EXOSC10: variants seen among roughly 807,000 people sequenced by gnomAD.
EXOSC10 encodes the protein exosome complex component 10.
Under a neutral mutation model 126.6 loss-of-function variants are expected in EXOSC10, and 94 were observed. The observed-to-expected ratio is 0.74, with a 90% confidence interval of 0.63 to 0.88. The LOEUF (loss-of-function observed/expected upper bound fraction) is 0.88, where lower values mean the gene tolerates loss of function less well. Among genes scored for constraint, EXOSC10 ranks in the 40% least tolerant of loss-of-function variants. EXOSC10 has a pLI of 0.00. For synonymous variants in EXOSC10, 395 were observed against 400.8 expected (o/e 0.99, Z 0.17); for missense variants, 1,041 against 1,100.5 (o/e 0.95, Z 0.77).
intron 14 of EXOSC10, among the ~76,000 whole-genome samples, chr1:11,079,467 C>T (rs1382333569): frequency 6.8e-6 from 1 of 146,404 alleles, no homozygotes; most frequent in African/African-American, 2.5e-5. Flanking sequence ...GATCTCGGCT[C>T]ACTGCAACCT....
chr1:11,077,641 G>C lies in EXOSC10; in HGVS notation c.1760C>G (p.Ala587Gly). ...REMPLLKSEV[A>G]AGVKKSGPLP... ...CGGTCCGCTCTTCTTCACTCCGGCTGCAACTTCAGACTAAGGAAAAAAACG... is the reference window on the plus strand; with the variant it reads ...CGGTCCGCTCTTCTTCACTCCGGCTCCAACTTCAGACTAAGGAAAAAAACG... Residue 587 changes from alanine to glycine, a missense_variant, in exon 15 of 25, where the codon GCA becomes GGA. Coordinates refer to ENST00000376936, the MANE Select transcript of EXOSC10 (RefSeq NM_001001998.3). 6.2e-7 allele frequency: 1 copy of C among 1,609,700 alleles called. No homozygotes were observed. Among genetic ancestry groups the C allele is most frequent in the Non-Finnish European group, 8.5e-7 (1 of 1,176,486 alleles).
At chr1:11,078,718 A>G (rs974496121) in intron 14 of EXOSC10, among the ~76,000 whole-genome samples, 3 of 152,124 alleles carry the variant, frequency 2.0e-5, no homozygotes, top group African/African-American at 7.2e-5. Context: ...GGGAGCTATC[A>G]CTTCACATCT....
At chr1:11,067,248 G>C (rs921518961) in intron 24 of EXOSC10, among the ~76,000 whole-genome samples, 7 of 152,106 alleles carry the variant, frequency 4.6e-5, no homozygotes, top group Non-Finnish European at 1.0e-4. Context: ...TGGCTAACAT[G>C]GTGAAACCCC....
At position 11,074,012 on chromosome 1, in the gene EXOSC10, G is replaced by C; in HGVS notation, c.2083-4C>G. On this transcript the variant is annotated splice_polypyrimidine_tract_variant and splice_region_variant and intron_variant, in intron 18 of 24. Coordinates refer to ENST00000376936, the MANE Select transcript of EXOSC10 (RefSeq NM_001001998.3). ...GGTGTCCCAGTGAGGGCAGAAACTG[G>C]AGGAAGGAAATGGCTGTGTGAAACG... 1 of 1,613,864 alleles carries C rather than the reference G, an allele frequency of 6.2e-7. No individual in the cohort carries two copies. The highest frequency in any genetic ancestry group is 8.5e-7 in the Non-Finnish European group (1 of 1,179,856).
intron 23 of EXOSC10, 58 bp downstream of exon 23, chr1:11,068,587 G>T: frequency 7.7e-7 from 1 of 1,294,344 alleles, no homozygotes; most frequent in Non-Finnish European, 1.1e-6. Flanking sequence ...CTCAGCAGAG[G>T]AGGAGGTCAG....
chr1:11,086,191 G>A (rs914733196), intron 9 of EXOSC10, among the ~76,000 whole-genome samples: 14 of 151,796 alleles, frequency 9.2e-5, no homozygotes, highest in Non-Finnish European at 1.8e-4. Context: ...GTTTCAGAAG[G>A]AATGGTACCA....
intron 3 of EXOSC10, among the ~76,000 whole-genome samples, chr1:11,092,812 C>G (rs1461023505): frequency 6.6e-6 from 1 of 152,196 alleles, no homozygotes; most frequent in Non-Finnish European, 1.5e-5. Context: ...AGCTACTGTG[C>G]CCGGCCACAA....
In EXOSC10 at chr1:11,099,707, C is replaced by G. The variant is rs368260438; in HGVS notation, c.111+14G>C. On this transcript the variant is annotated intron_variant, in intron 1 of 24. Coordinates refer to ENST00000376936, the MANE Select transcript of EXOSC10 (RefSeq NM_001001998.3). The stretch of plus-strand genomic sequence containing the variant: ...CGGGCGACTCCTGGTACCCCCGAGG[C>G]CCCGCGAACTCACCTTCACAAAGCT... The G allele has an allele frequency of 6.9e-6, 11 of 1,594,476 alleles. No homozygotes were observed. In the African/African-American group the frequency reaches 9.5e-5, roughly 14 times the overall value.
chr1:11,090,992 A>G, intron 5 of EXOSC10, 22 bp downstream of exon 5: 1 of 1,607,702 alleles, frequency 6.2e-7, no homozygotes, highest in Non-Finnish European at 8.5e-7. Flanking sequence ...ACTCAAACAC[A>G]GGCAAAGTAT....
At chr1:11,067,363 C>T (rs1347362141) in intron 24 of EXOSC10, among the ~76,000 whole-genome samples, 3 of 151,040 alleles carry the variant, frequency 2.0e-5, no homozygotes, top group Middle Eastern at 3.4e-3. Flanking sequence ...ACCCGGGAGG[C>T]GCAGCTTGCA....
chr1:11,087,690 G>A (rs1640570891), intron 8 of EXOSC10, 99 bp from the exon 9 acceptor site: 1 of 1,510,732 alleles, frequency 6.6e-7, no homozygotes, highest in Admixed American at 2.0e-5. Context: ...TAAGTTATAT[G>A]ATTAATTTTT....
At chr1:11,073,684 G>A (rs1479508537) in intron 19 of EXOSC10, among the ~76,000 whole-genome samples, 1 of 151,742 alleles carries the variant, frequency 6.6e-6, no homozygotes, top group Non-Finnish European at 1.5e-5. Flanking sequence ...GAGGTCAGGA[G>A]TTCGAGACCA....
intron 17 of EXOSC10, among the ~76,000 whole-genome samples, chr1:11,076,539 G>C (rs1557699470): frequency 6.6e-6 from 1 of 152,164 alleles, no homozygotes; most frequent in Admixed American, 6.5e-5. Context: ...CTGCTTGTAT[G>C]TTCTCTTAGC....
At chr1:11,082,981 G>T in intron 9 of EXOSC10, 103 bp from the exon 10 acceptor site, 1 of 907,822 alleles carries the variant, frequency 1.1e-6, no homozygotes, top group Non-Finnish European at 1.7e-6. Context: ...TTAGAAGGTA[G>T]TCTCCGCTGT....
At chr1:11,086,627 C>T (rs1640509648) in intron 9 of EXOSC10, among the ~76,000 whole-genome samples, 1 of 152,160 alleles carries the variant, frequency 6.6e-6, no homozygotes, top group Admixed American at 6.6e-5. Context: ...ATCTCTCAGA[C>T]CACAGTGCAA....
chr1:11,076,727 G>T, intron 17 of EXOSC10, 115 bp downstream of exon 17: 1 of 808,190 alleles, frequency 1.2e-6, no homozygotes, highest in Non-Finnish European at 2.0e-6. Context: ...GCTGGGTTTT[G>T]CTCTCAGCAT....
intron 21 of EXOSC10, 130 bp from the exon 22 acceptor site, chr1:11,069,860 A>T: frequency 2.1e-6 from 2 of 972,876 alleles, no homozygotes; most frequent in Non-Finnish European, 3.1e-6. Context: ...TGGGGAGAGG[A>T]GCTGTGGCTG....
chr1:11,099,040 A>G (rs1641274189), intron 1 of EXOSC10, among the ~76,000 whole-genome samples: 1 of 152,222 alleles, frequency 6.6e-6, no homozygotes, highest in Non-Finnish European at 1.5e-5. Flanking sequence ...ATTAGCTAAC[A>G]GCAAATTAGA....
At position 11,066,700 on chromosome 1, in the gene EXOSC10, G is replaced by A. The variant is rs750793463; in HGVS notation, c.*18C>T. 31 of 1,613,796 alleles carry A rather than the reference G, an allele frequency of 1.9e-5. No homozygotes were observed. Among genetic ancestry groups the A allele is most frequent in the Admixed American group, 1.3e-4 (8 of 59,998 alleles). On this transcript the variant is annotated 3_prime_UTR_variant, in exon 25 of 25. Coordinates refer to ENST00000376936, the MANE Select transcript of EXOSC10 (RefSeq NM_001001998.3). ...CATTTGGTGCTTCCGGTCCACAGGC[G>A]CCACGTGTCTTCCAGGACTATCTCT...
Sources: allele counts gnomAD v4.1 joint callset (sites outside exome capture counted in the v4.1 genomes callset), GRCh38; gene constraint gnomAD v4.1.1; transcripts MANE v1.5; gene names NCBI Gene and HGNC (gene_info 2026-07-23, HGNC 2026-07-21).